CALD1: variants seen among roughly 807,000 people sequenced by gnomAD.
CALD1 encodes the protein caldesmon.
CALD1 carries 33 observed loss-of-function variants against 99.9 expected under a neutral mutation model. The ratio of observed to expected loss-of-function variants is 0.33; its 90% confidence interval spans 0.25 to 0.44. The LOEUF (loss-of-function observed/expected upper bound fraction) is 0.44. Ranked by LOEUF, CALD1 falls within the 20% of genes least tolerant of loss-of-function variation. The pLI, the probability that CALD1 is intolerant of heterozygous loss-of-function variation, is 1.00. For missense variants in CALD1, 861 were observed against 962.1 expected, an observed-to-expected ratio of 0.89 and a Z score of 1.39; for synonymous variants, 310 against 325.0, an observed-to-expected ratio of 0.95 and a Z score of 0.50.
chr7:134,848,968 C>T (rs972095698), intron 2 of CALD1, among the ~76,000 whole-genome samples: 2 of 152,162 alleles, frequency 1.3e-5, no homozygotes, highest in African/African-American at 2.4e-5. Context: ...CTCCATCTCA[C>T]GTGCCATATT....
chr7:134,768,068 G>A (rs2131619004), intron 1 of CALD1, among the ~76,000 whole-genome samples: 2 of 152,262 alleles, frequency 1.3e-5, no homozygotes, highest in South Asian at 4.1e-4. Flanking sequence ...TGGGAAGGGT[G>A]GAACATGGAG....
At chr7:134,965,010 A>G (rs535952958) in intron 13 of CALD1, among the ~76,000 whole-genome samples, 2 of 152,010 alleles carry the variant, frequency 1.3e-5, no homozygotes, top group Non-Finnish European at 2.9e-5. Flanking sequence ...CAGCTACTCG[A>G]GAGGCTGAGA....
intron 13 of CALD1, chr7:134,962,274 G>C (rs1808327039): frequency 6.8e-6 from 1 of 147,110 alleles, no homozygotes; most frequent in Non-Finnish European, 1.5e-5. Context: ...ATAAAATGCA[G>C]TTATGATTAT....
rs1197146177 is a variant in CALD1 at position 134,880,570 on chromosome 7, TC to T, written c.71+12768del. Among the ~76,000 whole-genome samples, 5 of 152,292 alleles carry T rather than the reference TC, an allele frequency of 3.3e-5. No homozygotes were observed. The East Asian group carries it at 9.6e-4, about 29-fold the overall frequency. On this transcript the variant is annotated intron_variant, in intron 3 of 14. Coordinates refer to ENST00000361675, the MANE Select transcript of CALD1 (RefSeq NM_033138.4). ...TACATGTATATCTCTGCCCACTTCTTCCTTGAACAATTCTTCTGTTTCTCTC... is the reference window on the plus strand; with the variant it reads ...TACATGTATATCTCTGCCCACTTCTTCTTGAACAATTCTTCTGTTTCTCTC...
intron 1 of CALD1, among the ~76,000 whole-genome samples, chr7:134,792,412 C>T (rs2131774083): frequency 6.6e-6 from 1 of 151,830 alleles, no homozygotes; most frequent in East Asian, 1.9e-4. Context: ...GCCTTGGCCT[C>T]CCGAGTAGCT....
chr7:134,821,356 A>G (rs1798765488), intron 1 of CALD1, among the ~76,000 whole-genome samples: 1 of 152,092 alleles, frequency 6.6e-6, no homozygotes, highest in South Asian at 2.1e-4. Context: ...ATCAACTTCT[A>G]TCATTGAAGC....
chr7:134,967,870 G>A (rs1316709879), intron 14 of CALD1, among the ~76,000 whole-genome samples: 5 of 152,144 alleles, frequency 3.3e-5, no homozygotes, highest in Admixed American at 2.6e-4. Flanking sequence ...CCAGCCAGGC[G>A]CAGTGGCTCA....
At chr7:134,819,347 G>A (rs1798681233) in intron 1 of CALD1, among the ~76,000 whole-genome samples, 1 of 152,098 alleles carries the variant, frequency 6.6e-6, no homozygotes, top group Non-Finnish European at 1.5e-5. Flanking sequence ...TCTGTGCCCT[G>A]ACAATTCCTG....
chr7:134,874,022 G>C (rs895261952), intron 3 of CALD1, among the ~76,000 whole-genome samples: 1 of 152,214 alleles, frequency 6.6e-6, no homozygotes, highest in African/African-American at 2.4e-5. Flanking sequence ...GCAGGAATGC[G>C]TGACTGACTG....
At chr7:134,742,165 C>T (rs1562986863), upstream of CALD1, among the ~76,000 whole-genome samples, 1 of 151,948 alleles carries the variant, frequency 6.6e-6, no homozygotes, top group Non-Finnish European at 1.5e-5. Context: ...AGTCTGTGCA[C>T]TGGAAAGGGC....
intron 3 of CALD1, among the ~76,000 whole-genome samples, chr7:134,890,232 A>G (rs181880666): frequency 6.6e-6 from 1 of 152,340 alleles, no homozygotes; most frequent in East Asian, 1.9e-4. Flanking sequence ...ATGACCGCAT[A>G]GTATTTAAGC....
chr7:134,717,234 G>A, the CALD1 span, among the ~76,000 whole-genome samples: 12 of 152,244 alleles, frequency 7.9e-5, no homozygotes, highest in African/African-American at 1.7e-4. Flanking sequence ...ATGGTTTAGG[G>A]TAGGGTTCAT....
At chr7:134,925,620 C>A (rs1319990075) in intron 3 of CALD1, among the ~76,000 whole-genome samples, 1 of 152,094 alleles carries the variant, frequency 6.6e-6, no homozygotes, top group African/African-American at 2.4e-5. Flanking sequence ...GAGGAACTTG[C>A]CAAACACTTA....
chr7:134,929,624 G>GTATATATACACACACATATACACACA (rs1586339311), intron 4 of CALD1, among the ~76,000 whole-genome samples: 3 of 1,348 alleles, frequency 2.2e-3, no homozygotes, highest in Admixed American at 8.9e-3. Flanking sequence ...ATATATACGT[G>GTATATATACACACACATATACACACA]TGTGTGTGTG....
chr7:134,959,949 C>G, intron 11 of CALD1, 25 bp from the exon 12 acceptor site: 1 of 1,611,206 alleles, frequency 6.2e-7, no homozygotes, highest in Non-Finnish European at 8.5e-7. Context: ...CAGCACCAAT[C>G]CTAAAAATAA....
At chr7:134,712,074 G>T in the CALD1 span, among the ~76,000 whole-genome samples, 1 of 149,262 alleles carries the variant, frequency 6.7e-6, no homozygotes, top group Non-Finnish European at 1.5e-5. Context: ...AGGGAGGGAA[G>T]TTGGGAAAGA....
the CALD1 span, among the ~76,000 whole-genome samples, chr7:134,727,641 G>A: frequency 2.0e-5 from 3 of 152,222 alleles, no homozygotes; most frequent in Non-Finnish European, 4.4e-5. Flanking sequence ...TTCCTTGCAC[G>A]GATTAAAGCA....
At chr7:134,927,628 C>T (rs114984141) in intron 3 of CALD1, among the ~76,000 whole-genome samples, 1 of 147,308 alleles carries the variant, frequency 6.8e-6, no homozygotes, top group African/African-American at 2.5e-5. Flanking sequence ...CTGCCTTCTT[C>T]AGCTCATAGA....
intron 14 of CALD1, among the ~76,000 whole-genome samples, chr7:134,966,987 A>T (rs1808724368): frequency 6.6e-6 from 1 of 152,152 alleles, no homozygotes; most frequent in African/African-American, 2.4e-5. Context: ...TCTGAGAGGT[A>T]TCTGACTTCT....
Sources: allele counts gnomAD v4.1 joint callset (sites outside exome capture counted in the v4.1 genomes callset), GRCh38; gene constraint gnomAD v4.1.1; transcripts MANE v1.5; gene names NCBI Gene and HGNC (gene_info 2026-07-23, HGNC 2026-07-21).